CPVL: variants seen among roughly 807,000 people sequenced by gnomAD.
CPVL encodes carboxypeptidase vitellogenic like.
Under a neutral mutation model 63.7 loss-of-function variants are expected in CPVL, and 51 were observed. The ratio of observed to expected loss-of-function variants is 0.80; its 90% confidence interval spans 0.64 to 1.01. CPVL has a LOEUF of 1.01. CPVL is among the 50% of genes least tolerant of loss of function. The probability of loss-of-function intolerance (pLI) is 0.00; values close to 1 mark genes in which losing one functional copy is unlikely to be tolerated. For missense variants in CPVL, 530 were observed against 573.1 expected (o/e 0.92, Z 0.77); for synonymous variants, 195 against 206.0 (o/e 0.95, Z 0.46).
At chr7:29,168,779 T>C (rs1796238885) in intron 5 of CPVL, among the ~76,000 whole-genome samples, 1 of 152,230 alleles carries the variant, frequency 6.6e-6, no homozygotes, top group South Asian at 2.1e-4. Flanking sequence ...GCACTAGAAG[T>C]AATTTAGTTT....
chr7:29,165,155 T>G (rs1795740832), intron 5 of CPVL, among the ~76,000 whole-genome samples: 1 of 152,186 alleles, frequency 6.6e-6, no homozygotes, highest in African/African-American at 2.4e-5. Context: ...AGAATAGATA[T>G]CTAAATAATA....
chr7:29,017,271 C>A (rs571207639), intron 12 of CPVL, among the ~76,000 whole-genome samples: 1 of 152,192 alleles, frequency 6.6e-6, no homozygotes, highest in Non-Finnish European at 1.5e-5. Context: ...ACAAGTTCCC[C>A]GATAAAGCCA....
At chr7:29,123,615 AAAAAAAAAAAAAAATATATATATATAT>A (rs1562780804) in intron 1 of CPVL, among the ~76,000 whole-genome samples, 1 of 90,998 alleles carries the variant, frequency 1.1e-5, no homozygotes, top group African/African-American at 5.8e-5. Flanking sequence ...AAAAAAAAAA[AAAAAAAAAAAAAAATATATATATATAT>A]ATATATATAT....
chr7:29,179,614 C>T (rs1267290180), intron 5 of CPVL, among the ~76,000 whole-genome samples: 1 of 152,148 alleles, frequency 6.6e-6, no homozygotes, highest in African/African-American at 2.4e-5. Context: ...ATATCCTTTG[C>T]CAAATAGAAT....
chr7:29,097,246 C>A (rs950616101), intron 3 of CPVL, among the ~76,000 whole-genome samples: 1 of 152,162 alleles, frequency 6.6e-6, no homozygotes, highest in Admixed American at 6.5e-5. Flanking sequence ...ATGACAGAGA[C>A]CTTTTCAACT....
chr7:28,995,646 T>C lies in CPVL; in HGVS notation c.*126A>G. 1 of 664,678 alleles carries C rather than the reference T, an allele frequency of 1.5e-6. No homozygotes were observed. Among genetic ancestry groups the C allele is most frequent in the South Asian group, 1.8e-5 (1 of 55,366 alleles). 41.2% of individuals were successfully genotyped at this position (664,678 alleles called of 1,614,324 possible). The stretch of plus-strand genomic sequence containing the variant: ...AAAAGCTCACTTGTTTCAAGGATAA[T>C]TTTTATTGATGAAAAAAATCTTGCA... On this transcript the variant is annotated 3_prime_UTR_variant, in exon 13 of 13. Transcript: ENST00000265394.
At chr7:29,092,276 A>G (rs1476237283) in intron 6 of CPVL, among the ~76,000 whole-genome samples, 1 of 151,982 alleles carries the variant, frequency 6.6e-6, no homozygotes, top group Non-Finnish European at 1.5e-5. Flanking sequence ...AAAAGTCATG[A>G]AATAGAAGCA....
chr7:29,005,285 T>G (rs1785076607), intron 12 of CPVL, among the ~76,000 whole-genome samples: 1 of 152,026 alleles, frequency 6.6e-6, no homozygotes, highest in Admixed American at 6.6e-5. Context: ...ATTATCAGAG[T>G]TTTTATGACA....
intron 1 of CPVL, among the ~76,000 whole-genome samples, chr7:29,187,340 TG>T (rs1439917377): frequency 2.0e-5 from 3 of 150,036 alleles, no homozygotes; most frequent in Non-Finnish European, 4.5e-5. Flanking sequence ...TGTGTGTTTG[TG>T]TGTCTGTGTG....
intron 11 of CPVL, among the ~76,000 whole-genome samples, chr7:29,050,398 G>A (rs572247072): frequency 2.9e-4 from 28 of 96,900 alleles, no homozygotes; most frequent in African/African-American, 8.6e-4. Flanking sequence ...CCCCTTTTAC[G>A]ATAGCTGCAA....
chr7:29,119,689 CA>C (rs762048976), intron 2 of CPVL, among the ~76,000 whole-genome samples: 1 of 152,124 alleles, frequency 6.6e-6, no homozygotes, highest in Non-Finnish European at 1.5e-5. Flanking sequence ...ATTGGATTTT[CA>C]TAACATCTCT....
At chr7:29,066,243 C>A (rs1783127578) in intron 9 of CPVL, 122 bp from the exon 10 acceptor site, 2 of 614,922 alleles carry the variant, frequency 3.3e-6, no homozygotes, top group Non-Finnish European at 2.8e-6. Flanking sequence ...TTTCATCCAG[C>A]GCCCACTTAT....
chr7:28,999,717 G>A (rs893024257), intron 12 of CPVL, among the ~76,000 whole-genome samples: 2 of 152,150 alleles, frequency 1.3e-5, no homozygotes, highest in Admixed American at 6.5e-5. Flanking sequence ...GACCCTAATG[G>A]CATTGTAAAT....
rs553570889 is a variant in CPVL at position 29,014,201 on chromosome 7, G to C, written c.1320+16376C>G. 4.6e-5 allele frequency among the ~76,000 whole-genome samples: 7 copies of C among 152,282 alleles called. No individual in the cohort carries two copies. In the East Asian group the frequency reaches 1.4e-3, roughly 29 times the overall value. Reference sequence around the variant, plus strand: ...TTCCATAAGTGGACAGAGGAACTTTGCCCCTGTCTGGAAGATAGAGACAAA... The same window carrying C: ...TTCCATAAGTGGACAGAGGAACTTTCCCCCTGTCTGGAAGATAGAGACAAA... On this transcript the variant is annotated intron_variant, in intron 12 of 12. Transcript: ENST00000265394.
chr7:29,083,683 A>G (rs989058697), intron 7 of CPVL, among the ~76,000 whole-genome samples: 4 of 152,228 alleles, frequency 2.6e-5, no homozygotes, highest in African/African-American at 9.6e-5. Flanking sequence ...TGACAAAGTA[A>G]GGGCACCCAG....
At chr7:29,163,880 T>A (rs1185927440) in intron 5 of CPVL, among the ~76,000 whole-genome samples, 1 of 152,372 alleles carries the variant, frequency 6.6e-6, no homozygotes, top group South Asian at 2.1e-4. Context: ...GCTGAATTCA[T>A]TGCTGAATTG....
chr7:29,127,342 T>C (rs1004371237), intron 1 of CPVL: 1 of 152,184 alleles, frequency 6.6e-6, no homozygotes, highest in African/African-American at 2.4e-5. Flanking sequence ...TAGCTACCAA[T>C]TACTGAATGC....
intron 11 of CPVL, among the ~76,000 whole-genome samples, chr7:29,057,027 T>G (rs1436304422): frequency 6.7e-6 from 1 of 149,952 alleles, no homozygotes; most frequent in Non-Finnish European, 1.5e-5. Flanking sequence ...CATGACTTGC[T>G]GCAACCTTGA....
chr7:29,121,596 A>G (rs962538788), intron 1 of CPVL, among the ~76,000 whole-genome samples: 3 of 152,230 alleles, frequency 2.0e-5, no homozygotes, highest in Non-Finnish European at 4.4e-5. Flanking sequence ...GATTGAAAGC[A>G]CATTTCAGGC....
Sources: gnomAD v4.1 joint callset for allele counts (sites outside exome capture counted in the v4.1 genomes callset) on GRCh38, gnomAD v4.1.1 for gene constraint, MANE v1.5 for transcripts, NCBI Gene and HGNC (gene_info 2026-07-23, HGNC 2026-07-21) for gene names.